Variants in DDX60L observed in about 807,000 individuals in gnomAD.
The protein encoded by DDX60L is probable ATP-dependent RNA helicase DDX60-like.
A neutral mutation model predicts 211.6 loss-of-function variants in DDX60L; 191 were observed. The observed-to-expected ratio is 0.90, with a 90% CI of 0.80 to 1.02. DDX60L has a LOEUF of 1.02. DDX60L is among the 50% of genes least tolerant of loss of function. The pLI, the probability that DDX60L is intolerant of heterozygous loss-of-function variation, is 0.00. For missense variants in DDX60L, 2,007 were observed against 1,984.1 expected (o/e 1.01, Z -0.22); for synonymous variants, 706 against 694.1 (o/e 1.02, Z -0.27).
At position 168,371,802 on chromosome 4, in the gene DDX60L, G is replaced by A. The variant is rs780569522; in HGVS notation, c.4777-39C>T. ...TTTTCTATTACTTCATTACTGATATGTAAAGAGTAACTGTTTGCAGTTTGA... is the reference window on the plus strand; with the variant it reads ...TTTTCTATTACTTCATTACTGATATATAAAGAGTAACTGTTTGCAGTTTGA... On this transcript the variant is annotated intron_variant, in intron 35 of 37. Transcript: ENST00000682922. 7 of 1,537,698 alleles carry A rather than the reference G, an allele frequency of 4.6e-6. No individual in the cohort carries two copies. In the East Asian group the frequency reaches 1.4e-4, roughly 30 times the overall value.
At chr4:168,379,670 A>G in intron 31 of DDX60L, 56 bp downstream of exon 31, 1 of 1,411,016 alleles carries the variant, frequency 7.1e-7, no homozygotes, top group Non-Finnish European at 9.8e-7. Context: ...TTTAGCATAG[A>G]AAGAAGTTTA....
chr4:168,393,491 G>A (rs746795503), intron 28 of DDX60L, among the ~76,000 whole-genome samples: 63 of 151,916 alleles, frequency 4.1e-4, no homozygotes, highest in African/African-American at 6.0e-4. Flanking sequence ...GCAAGACACC[G>A]TCTCACAAAA....
In DDX60L at chr4:168,404,003, T is replaced by C; in HGVS notation, c.3317A>G (p.Lys1106Arg). Residue 1106 changes from lysine (K) to arginine (R), a missense_variant, in exon 25 of 38, where the codon AAG becomes AGG. Lys to Arg is a conservative substitution (Grantham distance 26, BLOSUM62 2). Coordinates refer to ENST00000682922, the MANE Select transcript of DDX60L (RefSeq NM_001012967.3). ...TTACAAAAAAAATATTGCAGGCAAC[T>C]TATCCATTTGTCTTAACTTTTCAAC... ...LLVEKLRQMDKLPAIFFLFKN... is the reference protein window; with the variant it reads ...LLVEKLRQMDRLPAIFFLFKN... The C allele has an allele frequency of 6.8e-7, 1 of 1,478,826 alleles. No homozygotes were observed. The highest frequency in any genetic ancestry group is 9.1e-7 in the Non-Finnish European group (1 of 1,100,332). 91.6% of individuals were successfully genotyped at this position (1,478,826 alleles called of 1,614,324 possible).
Position 168,432,905 on chromosome 4 carries a change from C to T in DDX60L, c.1400+105G>A, listed in dbSNP as rs1046463852. The T allele has an allele frequency of 2.0e-5, 13 of 636,248 alleles. No homozygotes were observed. In the African/African-American group the frequency reaches 2.2e-4, roughly 11 times the overall value. 39.4% of individuals were successfully genotyped at this position (636,248 alleles called of 1,614,324 possible). On this transcript the variant is annotated intron_variant, in intron 11 of 37. Transcript: ENST00000682922. ...TTATAGTCACATTATATAGAATTTACCATATCCTGATATGATATATTACAT... is the reference window on the plus strand; with the variant it reads ...TTATAGTCACATTATATAGAATTTATCATATCCTGATATGATATATTACAT...
At chr4:168,405,683 G>A (rs1179021765) in intron 24 of DDX60L, among the ~76,000 whole-genome samples, 1 of 152,120 alleles carries the variant, frequency 6.6e-6, no homozygotes, top group Non-Finnish European at 1.5e-5. Flanking sequence ...TAAAGTTAAA[G>A]GTTCTTCGTT....
At position 168,419,376 on chromosome 4, in the gene DDX60L, A is replaced by C; in HGVS notation, c.2536T>G (p.Cys846Gly). ...GGAGCAAGCAACAGGATTTCAAAAC[A>C]TTCCGGCACTGTAATAAGTACCTAC... ...NCQVLITVPE[C>G]FEILLLAPHR... The change falls in exon 19 of 38, where the codon TGT (cysteine) becomes GGT (glycine). Residue 846 changes from cysteine (C) to glycine (G), a missense_variant. Cys to Gly is a radical substitution (Grantham distance 159). Coordinates refer to ENST00000682922, the MANE Select transcript of DDX60L (RefSeq NM_001012967.3). 6.3e-7 allele frequency: 1 copy of C among 1,592,432 alleles called. No homozygotes were observed. Among genetic ancestry groups the C allele is most frequent in the South Asian group, 1.1e-5 (1 of 87,600 alleles).
At chr4:168,400,772 G>A in intron 26 of DDX60L, 54 bp downstream of exon 26, 1 of 1,442,770 alleles carries the variant, frequency 6.9e-7, no homozygotes, top group South Asian at 1.3e-5. Context: ...ACAGTGTCTT[G>A]TAAATATTTT....
intron 17 of DDX60L, 87 bp from the exon 18 acceptor site, chr4:168,420,467 C>CAT (rs1410497513): frequency 2.0e-4 from 1 of 5,004 alleles, no homozygotes; most frequent in African/African-American, 7.3e-4. Flanking sequence ...TACACATACA[C>CAT]ACACACACAC....
intron 24 of DDX60L, 89 bp from the exon 25 acceptor site, chr4:168,404,195 A>G: frequency 1.0e-6 from 1 of 964,536 alleles, no homozygotes; most frequent in Non-Finnish European, 1.4e-6. Context: ...GTCTAAAATT[A>G]GAATAATTTT....
At chr4:168,442,336 C>T (rs568466552) in intron 9 of DDX60L, among the ~76,000 whole-genome samples, 1 of 152,186 alleles carries the variant, frequency 6.6e-6, no homozygotes, top group Non-Finnish European at 1.5e-5. Flanking sequence ...TATCCCGCAC[C>T]TGGCTCAGAG....
chr4:168,449,625 A>G (rs1755389454), intron 8 of DDX60L, among the ~76,000 whole-genome samples: 1 of 57,200 alleles, frequency 1.7e-5, no homozygotes. Flanking sequence ...TAAAAAAAAA[A>G]AAACATTAAA....
rs1750635195 is a variant in DDX60L at position 168,421,619 on chromosome 4, C to T, written c.2394+141G>A. 11 of 1,137,644 alleles carry T rather than the reference C, an allele frequency of 9.7e-6. No individual in the cohort carries two copies. The South Asian group carries it at 1.6e-4, about 17-fold the overall frequency. The allele number at this position is 1,137,644 out of a possible 1,614,324, so 70.5% of individuals were successfully genotyped here. A position where few individuals can be genotyped will look rare whatever the true frequency, so the allele number is the denominator to read the frequency against. On this transcript the variant is annotated intron_variant, in intron 17 of 37. Transcript: ENST00000682922. Reference sequence around the variant, plus strand: ...GCAGTGAGCCGAGATCGCGCCACTGCACTCCAGCCTGAGTGACAGAGCAAG... The same window carrying T: ...GCAGTGAGCCGAGATCGCGCCACTGTACTCCAGCCTGAGTGACAGAGCAAG...
At chr4:168,387,395 G>A (rs902001) in intron 29 of DDX60L, among the ~76,000 whole-genome samples, 113,441 of 152,096 alleles carry the variant, frequency 0.75, 43,612 homozygotes, top group East Asian at 0.87. Flanking sequence ...AATCAGAAAG[G>A]AAGAAGTTTG....
Position 168,447,524 on chromosome 4 carries a change from A to G in DDX60L, c.1138+1114T>C, listed in dbSNP as rs1411329248. Among the ~76,000 whole-genome samples the G allele has an allele frequency of 1.4e-4, 22 of 152,076 alleles. 1 individual carries two copies. Among genetic ancestry groups the G allele is most frequent in the Admixed American group, 1.4e-3 (21 of 15,268 alleles). ...AAATACCATTTGACCCAGCCATCCC[A>G]TTACTGGGTATATACCCAAAGGACT... On this transcript the variant is annotated intron_variant, in intron 9 of 37. Coordinates refer to ENST00000682922, the MANE Select transcript of DDX60L (RefSeq NM_001012967.3).
chr4:168,433,037 A>G lies in DDX60L; in HGVS notation c.1373T>C (p.Met458Thr), dbSNP rs1752575610. ...CTTTAGAATAGGCAAATCCTTCATC[A>G]TATCTCCAACAAACTCATCAATTAC... ...SAVIDEFVGDMMKDLPILKSD... is the reference protein window; with the variant it reads ...SAVIDEFVGDTMKDLPILKSD... The change falls in exon 11 of 38, where the codon ATG (methionine) becomes ACG (threonine). Residue 458 changes from methionine to threonine, a missense_variant. Physicochemically the swap from Met to Thr is moderately conservative, Grantham distance 81. Coordinates refer to ENST00000682922, the MANE Select transcript of DDX60L (RefSeq NM_001012967.3). 4 of 1,609,156 alleles carry G rather than the reference A, an allele frequency of 2.5e-6. No homozygotes were observed. The highest frequency in any genetic ancestry group is 2.2e-5 in the East Asian group (1 of 44,692).
At position 168,441,556 on chromosome 4, in the gene DDX60L, T is replaced by C. The variant is rs890280884; in HGVS notation, c.1139-64A>G. 1.1e-5 allele frequency: 15 copies of C among 1,320,634 alleles called. No individual in the cohort carries two copies. The African/African-American group carries it at 1.5e-4, about 13-fold the overall frequency. The allele number at this position is 1,320,634 out of a possible 1,614,324, so 81.8% of individuals were successfully genotyped here. The stretch of plus-strand genomic sequence containing the variant: ...TACACATGCAGACACACACAGAGCA[T>C]CTTTTTTGAATAAATTCATAGAGCT... On this transcript the variant is annotated intron_variant, in intron 9 of 37. Transcript: ENST00000682922.
chr4:168,472,933 C>T (rs1198396883), intron 1 of DDX60L, 124 bp from the exon 2 acceptor site: 1 of 526,248 alleles, frequency 1.9e-6, no homozygotes, highest in Non-Finnish European at 3.3e-6. Flanking sequence ...ATCAAATAAT[C>T]ATACAAAAAA....
rs200396904 is a variant in DDX60L, at chr4:168,422,597, C to T, written c.2171G>A (p.Gly724Asp). The stretch of plus-strand genomic sequence containing the variant: ...TCTTTCATCTCTTATCAAGTAATGG[C>T]CCATGTATTGCAGTTGAAACCGAGC... ...GPARFQLQYM[G>D]HYLIRDERKD... Residue 724 changes from glycine to aspartate, a missense_variant, in exon 16 of 38, where the codon GGC becomes GAC. Transcript: ENST00000682922. 4 of 1,613,450 alleles carry T rather than the reference C, an allele frequency of 2.5e-6. No homozygotes were observed. Among genetic ancestry groups the T allele is most frequent in the Middle Eastern group, 1.7e-4 (1 of 6,058 alleles).
intron 36 of DDX60L, among the ~76,000 whole-genome samples, chr4:168,368,047 A>C (rs1740291801): frequency 6.6e-6 from 1 of 152,254 alleles, no homozygotes; most frequent in Admixed American, 6.5e-5. Context: ...CCATTTTCTG[A>C]GGAGAAATTT....
Sources: allele counts gnomAD v4.1 joint callset (sites outside exome capture counted in the v4.1 genomes callset), GRCh38; gene constraint gnomAD v4.1.1; transcripts MANE v1.5; gene names NCBI Gene and HGNC (gene_info 2026-07-23, HGNC 2026-07-21).